The following RGSL1 variants were observed in gnomAD, a reference collection of about 807,000 sequenced individuals.
The protein encoded by RGSL1 is regulator of G protein signaling protein-like.
Under a neutral mutation model 124.7 loss-of-function variants are expected in RGSL1, and 97 were observed. That is an observed-to-expected ratio of 0.78 (90% CI 0.66 to 0.92). The LOEUF (loss-of-function observed/expected upper bound fraction) is 0.92, where lower values mean the gene tolerates loss of function less well. Among genes scored for constraint, RGSL1 ranks in the 40% least tolerant of loss-of-function variants. The pLI, the probability that RGSL1 is intolerant of heterozygous loss-of-function variation, is 0.00. For synonymous variants in RGSL1, 424 were observed against 438.1 expected (o/e 0.97, Z 0.40); for missense variants, 1,233 against 1,288.4 (o/e 0.96, Z 0.66).
At chr1:182,521,766 C>A (rs756871947) in intron 9 of RGSL1, among the ~76,000 whole-genome samples, 2 of 152,068 alleles carry the variant, frequency 1.3e-5, no homozygotes, top group South Asian at 2.1e-4. Flanking sequence ...GGAAGGTGGG[C>A]GCTAGACTTA....
At chr1:182,532,897 A>G (rs920183282) in intron 14 of RGSL1, 106 bp downstream of exon 14, 17 of 1,312,614 alleles carry the variant, frequency 1.3e-5, no homozygotes, top group African/African-American at 3.0e-5. Flanking sequence ...GGCAGCCTGG[A>G]GTCTAGCAAA....
At chr1:182,555,351 A>G (rs1428026509) in intron 20 of RGSL1, 1 of 155,072 alleles carries the variant, frequency 6.4e-6, no homozygotes, top group African/African-American at 2.4e-5. Context: ...TACATTGTGT[A>G]TATGTATCCT....
chr1:182,452,535 C>T (rs1276556030), intron 1 of RGSL1, among the ~76,000 whole-genome samples: 1 of 151,996 alleles, frequency 6.6e-6, no homozygotes, highest in Non-Finnish European at 1.5e-5. Flanking sequence ...TCACTGCAAC[C>T]TCCACCTCCT....
At chr1:182,458,021 C>T (rs1332486612) in intron 2 of RGSL1, among the ~76,000 whole-genome samples, 1 of 152,180 alleles carries the variant, frequency 6.6e-6, no homozygotes, top group African/African-American at 2.4e-5. Flanking sequence ...TATCATGGGC[C>T]TTGGCCTTTG....
chr1:182,479,210 T>C (rs1056442539), intron 6 of RGSL1, among the ~76,000 whole-genome samples: 1 of 152,192 alleles, frequency 6.6e-6, no homozygotes. Context: ...TGTAATATTG[T>C]GATAAAGGTA....
chr1:182,525,848 A>T (rs1413264501), intron 10 of RGSL1, among the ~76,000 whole-genome samples: 1 of 68,398 alleles, frequency 1.5e-5, no homozygotes, highest in Non-Finnish European at 3.2e-5. Context: ...AAACTGTAAG[A>T]TATATTGACC....
intron 17 of RGSL1, 56 bp from the exon 18 acceptor site, chr1:182,551,044 T>C: frequency 1.6e-6 from 2 of 1,222,974 alleles, no homozygotes; most frequent in Non-Finnish European, 2.4e-6. Flanking sequence ...TGCTCGGTGC[T>C]CCAGCCCCCT....
intron 8 of RGSL1, among the ~76,000 whole-genome samples, chr1:182,490,097 G>A (rs1018250541): frequency 1.3e-5 from 2 of 152,086 alleles, no homozygotes; most frequent in Non-Finnish European, 2.9e-5. Context: ...ATAAGATGCT[G>A]TACTCCAGCA....
intron 4 of RGSL1, among the ~76,000 whole-genome samples, chr1:182,467,636 T>C (rs1653454856): frequency 6.6e-6 from 1 of 152,200 alleles, no homozygotes; most frequent in Non-Finnish European, 1.5e-5. Flanking sequence ...ATTAAAGACT[T>C]AAATGTTAGA....
At chr1:182,488,066 T>C (rs1389817156) in intron 6 of RGSL1, among the ~76,000 whole-genome samples, 1 of 152,230 alleles carries the variant, frequency 6.6e-6, no homozygotes, top group Non-Finnish European at 1.5e-5. Flanking sequence ...TATTTAGTGC[T>C]CTCCTCTGAG....
At chr1:182,509,819 C>A (rs1362045751) in intron 9 of RGSL1, among the ~76,000 whole-genome samples, 1 of 94,576 alleles carries the variant, frequency 1.1e-5, no homozygotes, top group African/African-American at 5.2e-5. Context: ...GGGGGGCTGA[C>A]CCCCCCCCAC....
chr1:182,485,542 A>G (rs1655035911), intron 6 of RGSL1, among the ~76,000 whole-genome samples: 1 of 152,170 alleles, frequency 6.6e-6, no homozygotes, highest in African/African-American at 2.4e-5. Context: ...GTGAGTAGGT[A>G]AATACATGTT....
At chr1:182,473,242 C>G (rs1355087865) in intron 5 of RGSL1, among the ~76,000 whole-genome samples, 1 of 152,156 alleles carries the variant, frequency 6.6e-6, no homozygotes, top group Non-Finnish European at 1.5e-5. Context: ...ATCAAAAATC[C>G]TGTTCAGATG....
At chr1:182,495,465 G>A (rs1301853234) in intron 9 of RGSL1, among the ~76,000 whole-genome samples, 1 of 152,090 alleles carries the variant, frequency 6.6e-6, no homozygotes, top group Non-Finnish European at 1.5e-5. Flanking sequence ...AGACCATTTT[G>A]TCCCCAGTAT....
chr1:182,448,047 C>T (rs1347070430), upstream of RGSL1: 1 of 151,586 alleles, frequency 6.6e-6, no homozygotes, highest in Admixed American at 6.6e-5. Flanking sequence ...GAATATTCTT[C>T]TTAATCTTTG....
At chr1:182,470,718 GT>G (rs1336518537) in intron 4 of RGSL1, among the ~76,000 whole-genome samples, 1 of 152,024 alleles carries the variant, frequency 6.6e-6, no homozygotes, top group Non-Finnish European at 1.5e-5. Flanking sequence ...TTTTTGTTCT[GT>G]TTGCTGATGT....
intron 21 of RGSL1, among the ~76,000 whole-genome samples, chr1:182,556,435 CTT>C (rs1371364177): frequency 6.6e-6 from 1 of 152,202 alleles, no homozygotes; most frequent in Non-Finnish European, 1.5e-5. Flanking sequence ...CAGATGGTGT[CTT>C]TTAATGGTAG....
intron 21 of RGSL1, among the ~76,000 whole-genome samples, chr1:182,557,922 A>G (rs1660955084): frequency 6.6e-6 from 1 of 152,174 alleles, no homozygotes; most frequent in Non-Finnish European, 1.5e-5. Flanking sequence ...TAAATGAGTA[A>G]CGCAGTCCAT....
Position 182,489,099 on chromosome 1 carries a change from CA to C in RGSL1, c.1615del (p.Met539Ter). 6.4e-7 allele frequency: 1 copy of C among 1,551,612 alleles called. No individual in the cohort carries two copies. Among genetic ancestry groups the C allele is most frequent in the Non-Finnish European group, 8.7e-7 (1 of 1,146,990 alleles). On this transcript the variant is annotated frameshift_variant, in exon 8 of 22. Coordinates refer to ENST00000294854, the MANE Select transcript of RGSL1 (RefSeq NM_001137669.2). LOFTEE classifies it high-confidence loss of function. ...TAGAGTTAAGCCAGGCTTTGGCTGA[CA>C]TGAAGGAAATGGACTATAGGCAGTG... Reference protein sequence around the residue: ...SLELSQALADMKEMDYRQWRK... With the variant: ...SLELSQALADXKEMDYRQWRK...
Sources: gnomAD v4.1 joint callset for allele counts (sites outside exome capture counted in the v4.1 genomes callset) on GRCh38, gnomAD v4.1.1 for gene constraint, MANE v1.5 for transcripts, NCBI Gene and HGNC (gene_info 2026-07-23, HGNC 2026-07-21) for gene names.